Variants in DIP2C observed in about 807,000 individuals in gnomAD.
The protein encoded by DIP2C is disco-interacting protein 2 homolog C.
A neutral mutation model predicts 192.4 loss-of-function variants in DIP2C; 33 were observed. The ratio of observed to expected loss-of-function variants is 0.17; its 90% CI spans 0.13 to 0.23. The LOEUF is 0.23. DIP2C is among the 10% of genes least tolerant of loss of function. DIP2C has a pLI of 1.00. For missense variants in DIP2C, 1,537 were observed against 2,110.1 expected, an observed-to-expected ratio of 0.73 and a Z score of 5.32; for synonymous variants, 979 against 864.1, an observed-to-expected ratio of 1.13 and a Z score of -2.33.
intron 4 of DIP2C, chr10:437,514 G>A (rs751425926): frequency 6.6e-6 from 1 of 152,334 alleles, no homozygotes; most frequent in Non-Finnish European, 1.5e-5. Context: ...GTGTTCTCCA[G>A]GCAGAGGGCA....
At chr10:532,498 C>T (rs1470388158) in intron 1 of DIP2C, among the ~76,000 whole-genome samples, 2 of 151,890 alleles carry the variant, frequency 1.3e-5, no homozygotes, top group Non-Finnish European at 2.9e-5. Context: ...CGTTTCTGTC[C>T]ATTTAGAATT....
At chr10:471,553 G>C (rs529333510) in intron 3 of DIP2C, among the ~76,000 whole-genome samples, 1 of 152,288 alleles carries the variant, frequency 6.6e-6, no homozygotes, top group Admixed American at 6.5e-5. Context: ...TGAGAACAAT[G>C]TGAGGATGCC....
intron 1 of DIP2C, among the ~76,000 whole-genome samples, chr10:589,011 C>T (rs776467888): frequency 4.6e-5 from 7 of 152,214 alleles, no homozygotes; most frequent in Non-Finnish European, 8.8e-5. Flanking sequence ...TGCTGAAGAC[C>T]TTCCATCAGC....
intron 31 of DIP2C, among the ~76,000 whole-genome samples, chr10:320,177 G>A (rs536813266): frequency 6.6e-6 from 1 of 152,184 alleles, no homozygotes; most frequent in South Asian, 2.1e-4. Flanking sequence ...TTCCACGGGA[G>A]ACTAGACTCT....
At chr10:348,893 G>T (rs566683106) in intron 25 of DIP2C, 131 bp from the exon 26 acceptor site, 26 of 1,368,004 alleles carry the variant, frequency 1.9e-5, no homozygotes, top group Middle Eastern at 1.9e-4. Flanking sequence ...CACAGCCTCC[G>T]TCATCCTGGC....
At chr10:551,547 CA>C (rs1175231719) in intron 1 of DIP2C, among the ~76,000 whole-genome samples, 1 of 152,230 alleles carries the variant, frequency 6.6e-6, no homozygotes, top group East Asian at 1.9e-4. Flanking sequence ...CACAAACCCA[CA>C]AGTGCCTTCC....
chr10:393,840 A>C (rs1382941814), intron 10 of DIP2C, among the ~76,000 whole-genome samples: 1 of 150,366 alleles, frequency 6.7e-6, no homozygotes, highest in Non-Finnish European at 1.5e-5. Flanking sequence ...AAAAAAAAAA[A>C]CAACCCACAA....
intron 6 of DIP2C, among the ~76,000 whole-genome samples, chr10:417,690 C>CTGCCTG (rs1965772393): frequency 2.3e-5 from 3 of 130,154 alleles, no homozygotes; most frequent in East Asian, 2.3e-4. Flanking sequence ...GCCTCCCTGT[C>CTGCCTG]CGCCTGTGCC....
chr10:622,200 T>C (rs1853890200), intron 1 of DIP2C, among the ~76,000 whole-genome samples: 1 of 146,738 alleles, frequency 6.8e-6, no homozygotes, highest in African/African-American at 2.5e-5. Flanking sequence ...GCTGCTTGGA[T>C]GAAGCGGAAG....
chr10:336,944 T>C (rs1219593351), intron 29 of DIP2C, among the ~76,000 whole-genome samples: 1 of 57,284 alleles, frequency 1.7e-5, no homozygotes, highest in African/African-American at 3.8e-5. Context: ...GACTGGTGTG[T>C]GCGCGTGTGT....
chr10:284,411 C>T (rs1243084482), intron 34 of DIP2C, among the ~76,000 whole-genome samples: 1 of 152,188 alleles, frequency 6.6e-6, no homozygotes, highest in Non-Finnish European at 1.5e-5. Context: ...CTGAATATTA[C>T]TCAGCCATAA....
At chr10:649,917 C>A (rs1855745920) in intron 1 of DIP2C, 2 of 583,464 alleles carry the variant, frequency 3.4e-6, no homozygotes, top group East Asian at 2.9e-5. Flanking sequence ...CACCTGCGTC[C>A]CCGTGCGTCA....
At chr10:286,777 T>G (rs961153350) in intron 33 of DIP2C, among the ~76,000 whole-genome samples, 1 of 152,212 alleles carries the variant, frequency 6.6e-6, no homozygotes, top group African/African-American at 2.4e-5. Context: ...CAATATTACA[T>G]CTCACATCAT....
intron 24 of DIP2C, among the ~76,000 whole-genome samples, chr10:351,395 G>C (rs1422028104): frequency 1.3e-5 from 2 of 152,188 alleles, no homozygotes; most frequent in Non-Finnish European, 2.9e-5. Context: ...GGTCTGTGGG[G>C]AAAGTATACT....
chr10:365,218 C>G (rs1044664408), intron 19 of DIP2C, among the ~76,000 whole-genome samples: 1 of 152,208 alleles, frequency 6.6e-6, no homozygotes, highest in Non-Finnish European at 1.5e-5. Context: ...ACTGTAACAT[C>G]TGTTCAGCCA....
chr10:608,999 C>A (rs1221997280), intron 1 of DIP2C, among the ~76,000 whole-genome samples: 1 of 151,854 alleles, frequency 6.6e-6, no homozygotes, highest in Non-Finnish European at 1.5e-5. Flanking sequence ...AATATCTACA[C>A]AGAAGAAAAC....
intron 26 of DIP2C, among the ~76,000 whole-genome samples, chr10:347,520 C>G (rs1444018789): frequency 5.2e-5 from 6 of 114,474 alleles, no homozygotes; most frequent in Non-Finnish European, 8.8e-5. Flanking sequence ...TCCCGGAAAC[C>G]CCACACGCAC....
chr10:376,508 AG>A lies in DIP2C; in HGVS notation c.1991+6138del, dbSNP rs34002965. 3.0e-3 allele frequency among the ~76,000 whole-genome samples: 333 copies of A among 111,670 alleles called. 2 individuals carry two copies. Among genetic ancestry groups the A allele is most frequent in the African/African-American group, 7.5e-3 (222 of 29,716 alleles). The allele number at this position is 111,670 out of a possible 152,430, so 73.3% of individuals were successfully genotyped here. On this transcript the variant is annotated intron_variant, in intron 17 of 36. Coordinates refer to ENST00000280886, the MANE Select transcript of DIP2C (RefSeq NM_014974.3). ...AAGCCTGTTTGAGAGTGGGGTTGGG[AG>A]GGGGGGTCTTCCCTTCTGAACTGGC... is the stretch of plus-strand genomic sequence containing the variant.
intron 1 of DIP2C, among the ~76,000 whole-genome samples, chr10:688,843 G>A (rs1393142528): frequency 6.6e-6 from 1 of 152,230 alleles, no homozygotes; most frequent in Non-Finnish European, 1.5e-5. Flanking sequence ...CCGGGGGGAG[G>A]TTGACGATTC....
Sources: gnomAD v4.1 joint callset for allele counts (sites outside exome capture counted in the v4.1 genomes callset) on GRCh38, gnomAD v4.1.1 for gene constraint, MANE v1.5 for transcripts, NCBI Gene and HGNC (gene_info 2026-07-23, HGNC 2026-07-21) for gene names.